Variants in WDR25 observed in about 807,000 individuals in gnomAD.
WDR25 encodes WD repeat-containing protein 25.
Under a neutral mutation model 47.7 loss-of-function variants are expected in WDR25, and 35 were observed. The ratio of observed to expected loss-of-function variants is 0.73; its 90% confidence interval spans 0.56 to 0.97. WDR25 has a LOEUF of 0.97. Ranked by LOEUF, WDR25 falls within the 50% of genes least tolerant of loss-of-function variation. The pLI, the probability that WDR25 is intolerant of heterozygous loss-of-function variation, is 0.00. For missense variants in WDR25, 634 were observed against 704.7 expected (o/e 0.90, Z 1.14); for synonymous variants, 248 against 278.9 (o/e 0.89, Z 1.10).
At position 100,459,928 on chromosome 14, in the gene WDR25, A is replaced by G. The variant is rs1368339374; in HGVS notation, c.823-8093A>G. ...TATATATATATATATATATATATAT[A>G]TATATATATATACACATACACATAC... is the stretch of plus-strand genomic sequence containing the variant. On this transcript the variant is annotated intron_variant, in intron 2 of 6. Coordinates refer to ENST00000402312, the MANE Select transcript of WDR25 (RefSeq NM_001161476.3). Among the ~76,000 whole-genome samples the G allele has an allele frequency of 1.0e-4, 11 of 110,542 alleles. 1 individual carries two copies. Among genetic ancestry groups the G allele is most frequent in the African/African-American group, 1.6e-4 (4 of 25,642 alleles). The allele number at this position is 110,542 out of a possible 152,430, so 72.5% of individuals were successfully genotyped here.
intron 3 of WDR25, among the ~76,000 whole-genome samples, chr14:100,473,396 A>G (rs188204510): frequency 9.3e-4 from 141 of 152,274 alleles, no homozygotes; most frequent in African/African-American, 3.2e-3. Flanking sequence ...CTGTTGAGGT[A>G]TGGTGTGGCA....
intron 2 of WDR25, among the ~76,000 whole-genome samples, chr14:100,396,032 A>G (rs1285647472): frequency 1.5e-5 from 2 of 136,166 alleles, no homozygotes; most frequent in African/African-American, 2.8e-5. Flanking sequence ...GTTGGAGTGC[A>G]GTGGTGCAAT....
intron 3 of WDR25, among the ~76,000 whole-genome samples, chr14:100,473,525 T>C (rs1899915351): frequency 6.6e-6 from 1 of 152,140 alleles, no homozygotes; most frequent in African/African-American, 2.4e-5. Flanking sequence ...GAGGATAACA[T>C]GGGGCCTCTG....
At chr14:100,423,494 T>C (rs190406536) in intron 2 of WDR25, among the ~76,000 whole-genome samples, 2 of 152,296 alleles carry the variant, frequency 1.3e-5, no homozygotes, top group African/African-American at 2.4e-5. Context: ...AAGGCTGGCA[T>C]TGGGGAGTGT....
chr14:100,381,656 C>T lies in WDR25; in HGVS notation c.732C>T (p.Gly244=), dbSNP rs765225444. ...GGAAAGTGCTTTTCCACCTGAGAGG[C>T]CACAGGGGCCCTGTCAACACCATTC... ...VPRKVLFHLR[G]HRGPVNTIQW... Residue 244 remains glycine, a synonymous_variant, in exon 2 of 7, where the codon GGC becomes GGT. Coordinates refer to ENST00000402312, the MANE Select transcript of WDR25 (RefSeq NM_001161476.3). 1.9e-6 allele frequency: 3 copies of T among 1,614,114 alleles called. No homozygotes were observed. The highest frequency in any genetic ancestry group is 2.5e-6 in the Non-Finnish European group (3 of 1,180,054).
Position 100,402,366 on chromosome 14 carries a change from TA to T in WDR25, c.822+20632del, listed in dbSNP as rs543790580. ...ACTTTTCTTTGTTATTGCTTTCTCC[TA>T]AAAAAAAAAAACAAAACCAAAAAAT... On this transcript the variant is annotated intron_variant, in intron 2 of 6. Coordinates refer to ENST00000402312, the MANE Select transcript of WDR25 (RefSeq NM_001161476.3). Among the ~76,000 whole-genome samples, 173 of 138,754 alleles carry T rather than the reference TA, an allele frequency of 1.2e-3. 1 individual carries two copies. The highest frequency in any genetic ancestry group is 8.9e-3 in the East Asian group (43 of 4,842). The allele number at this position is 138,754 out of a possible 152,430, so 91.0% of individuals were successfully genotyped here.
At chr14:100,403,613 A>C (rs748864967) in intron 2 of WDR25, among the ~76,000 whole-genome samples, 14 of 152,242 alleles carry the variant, frequency 9.2e-5, no homozygotes, top group Non-Finnish European at 1.9e-4. Context: ...CAGATACAGC[A>C]ACTCTGGTTC....
Position 100,468,640 on chromosome 14 carries a change from G to T in WDR25, c.970+472G>T, listed in dbSNP as rs989397816. The stretch of plus-strand genomic sequence containing the variant: ...ACTGAAAAGGCACTTGGGTAGGATG[G>T]ATTCGTGCCGGGTAAATCCTGAGAG... On this transcript the variant is annotated intron_variant, in intron 3 of 6. Coordinates refer to ENST00000402312, the MANE Select transcript of WDR25 (RefSeq NM_001161476.3). The surrounding 1 kb of genome is among the most constrained non-coding windows in gnomAD (Gnocchi z 4.5). Among the ~76,000 whole-genome samples the T allele has an allele frequency of 1.3e-5, 2 of 152,174 alleles. No homozygotes were observed. Among genetic ancestry groups the T allele is most frequent in the African/African-American group, 4.8e-5 (2 of 41,432 alleles).
chr14:100,508,527 GA>G (rs1300670908), intron 4 of WDR25, among the ~76,000 whole-genome samples: 1 of 152,118 alleles, frequency 6.6e-6, no homozygotes, highest in Non-Finnish European at 1.5e-5. Context: ...AGATTACTTA[GA>G]AATTTTAATT....
chr14:100,404,317 C>T lies in WDR25; in HGVS notation c.822+22571C>T, dbSNP rs1177057712. ...CAAAGTCTATGTTCGTTCCACTCTC[C>T]CACGCCAGCCCGTAAGTGTAAAGCA... On this transcript the variant is annotated intron_variant, in intron 2 of 6. Transcript: ENST00000402312. The surrounding 1 kb of genome is among the most constrained non-coding windows in gnomAD (Gnocchi z 4.6). 1.3e-5 allele frequency among the ~76,000 whole-genome samples: 2 copies of T among 152,232 alleles called. No homozygotes were observed. The highest frequency in any genetic ancestry group is 2.9e-5 in the Non-Finnish European group (2 of 68,052).
intron 4 of WDR25, among the ~76,000 whole-genome samples, chr14:100,485,306 C>T (rs1900347028): frequency 6.6e-6 from 1 of 152,220 alleles, no homozygotes; most frequent in African/African-American, 2.4e-5. Context: ...TTACCATCAC[C>T]TGACATATTA....
chr14:100,457,808 T>G (rs1899253135), intron 2 of WDR25, among the ~76,000 whole-genome samples: 1 of 152,196 alleles, frequency 6.6e-6, no homozygotes, highest in Non-Finnish European at 1.5e-5. Flanking sequence ...TGGAGGAGAT[T>G]GTGTATATTA....
intron 2 of WDR25, among the ~76,000 whole-genome samples, chr14:100,456,718 GA>G (rs1360354775): frequency 3.9e-5 from 6 of 152,168 alleles, no homozygotes; most frequent in Non-Finnish European, 7.3e-5. Context: ...AAGCTTGGGG[GA>G]AAAATGAACA....
At chr14:100,472,320 C>T (rs1381107666) in intron 3 of WDR25, among the ~76,000 whole-genome samples, 1 of 152,262 alleles carries the variant, frequency 6.6e-6, no homozygotes, top group African/African-American at 2.4e-5. Flanking sequence ...GTCTACCTCC[C>T]AGATCCTGGA....
intron 2 of WDR25, among the ~76,000 whole-genome samples, chr14:100,409,102 G>A (rs1897631099): frequency 6.6e-6 from 1 of 152,162 alleles, no homozygotes; most frequent in Admixed American, 6.5e-5. Flanking sequence ...TGGGGGATCT[G>A]GGGAGCTTGA....
Position 100,468,800 on chromosome 14 carries a change from C to T in WDR25, c.970+632C>T, listed in dbSNP as rs1442648851. 1.3e-5 allele frequency among the ~76,000 whole-genome samples: 2 copies of T among 152,080 alleles called. No individual in the cohort carries two copies. The highest frequency in any genetic ancestry group is 2.4e-5 in the African/African-American group (1 of 41,384). Reference sequence around the variant, plus strand: ...CCAGGTGGGCTCTCTCCGGGGTTTACAGTGAGGACTGCCAGGGAGTGACAG... The same window carrying T: ...CCAGGTGGGCTCTCTCCGGGGTTTATAGTGAGGACTGCCAGGGAGTGACAG... On this transcript the variant is annotated intron_variant, in intron 3 of 6. Coordinates refer to ENST00000402312, the MANE Select transcript of WDR25 (RefSeq NM_001161476.3). The surrounding 1 kb of genome is among the most constrained non-coding windows in gnomAD (Gnocchi z 4.5).
rs2030420345 is a variant in WDR25 at position 100,530,128 on chromosome 14, G to A, written c.*87G>A. 2.2e-6 allele frequency: 3 copies of A among 1,390,310 alleles called. No homozygotes were observed. The highest frequency in any genetic ancestry group is 2.7e-5 in the South Asian group (2 of 74,540). The allele number at this position is 1,390,310 out of a possible 1,614,324, so 86.1% of individuals were successfully genotyped here. ...GGTAGATGAGAGGAACGAGCACAGA[G>A]GTTGGCTGTGGGTCCTGGGTACCAC... is the stretch of plus-strand genomic sequence containing the variant. On this transcript the variant is annotated 3_prime_UTR_variant, in exon 7 of 7. Transcript: ENST00000402312.
chr14:100,383,909 C>T (rs1199931551), intron 2 of WDR25, among the ~76,000 whole-genome samples: 1 of 152,196 alleles, frequency 6.6e-6, no homozygotes, highest in Non-Finnish European at 1.5e-5. Flanking sequence ...GAGGGTGGCT[C>T]AGACTGAGGG....
chr14:100,442,459 C>T (rs985554852), intron 2 of WDR25, among the ~76,000 whole-genome samples: 1 of 152,184 alleles, frequency 6.6e-6, no homozygotes, highest in African/African-American at 2.4e-5. Context: ...AATAGTGGGT[C>T]TATGTTATTA....
Sources: allele counts gnomAD v4.1 joint callset (sites outside exome capture counted in the v4.1 genomes callset), GRCh38; gene constraint gnomAD v4.1.1; non-coding constraint Gnocchi (gnomAD v3.1); transcripts MANE v1.5; gene names NCBI Gene and HGNC (gene_info 2026-07-23, HGNC 2026-07-21).